Variants in MAPKAP1 observed in about 807,000 individuals in gnomAD.
MAPKAP1 encodes the protein MAPK associated protein 1, also known as target of rapamycin complex 2 subunit MAPKAP1.
A neutral mutation model predicts 65.7 loss-of-function variants in MAPKAP1; 20 were observed. That is an observed-to-expected ratio of 0.30 (90% CI 0.21 to 0.44). The LOEUF is 0.44. Ranked by LOEUF, MAPKAP1 falls within the 20% of genes least tolerant of loss-of-function variation. The pLI is 1.00. For synonymous variants in MAPKAP1, 222 were observed against 244.3 expected (o/e 0.91, Z 0.85); for missense variants, 423 against 648.0 (o/e 0.65, Z 3.77).
intron 10 of MAPKAP1, among the ~76,000 whole-genome samples, chr9:125,457,986 A>C (rs1853255349): frequency 6.6e-6 from 1 of 152,150 alleles, no homozygotes; most frequent in Admixed American, 6.5e-5. Flanking sequence ...CAGCTCAGTG[A>C]GACTGCCATA....
chr9:125,675,146 T>C (rs923410055), intron 1 of MAPKAP1, among the ~76,000 whole-genome samples: 2 of 152,178 alleles, frequency 1.3e-5, no homozygotes, highest in African/African-American at 2.4e-5. Flanking sequence ...ATAAGCCATC[T>C]TCCTGGCATG....
At chr9:125,679,852 G>A (rs965187443) in intron 1 of MAPKAP1, among the ~76,000 whole-genome samples, 1 of 152,134 alleles carries the variant, frequency 6.6e-6, no homozygotes, top group African/African-American at 2.4e-5. Context: ...TCTCTCACCT[G>A]CAATCTGTGA....
At chr9:125,688,788 A>C (rs1835066725) in intron 1 of MAPKAP1, among the ~76,000 whole-genome samples, 1 of 152,164 alleles carries the variant, frequency 6.6e-6, no homozygotes, top group Non-Finnish European at 1.5e-5. Flanking sequence ...TATGAGGTAG[A>C]TTCTATTATT....
chr9:125,553,312 C>A (rs1027248408), intron 6 of MAPKAP1, among the ~76,000 whole-genome samples: 5 of 152,256 alleles, frequency 3.3e-5, no homozygotes, highest in Non-Finnish European at 7.4e-5. Flanking sequence ...GAGGTAGAGG[C>A]AGGCAGATCC....
intron 6 of MAPKAP1, among the ~76,000 whole-genome samples, chr9:125,546,819 G>A (rs73667008): frequency 0.027 from 4,093 of 152,092 alleles, 190 homozygotes; most frequent in African/African-American, 0.094. Context: ...ATCAGCCCTC[G>A]GATGAACAGG....
intron 6 of MAPKAP1, chr9:125,559,303 T>G (rs961728940): frequency 2.2e-5 from 4 of 180,496 alleles, no homozygotes; most frequent in Admixed American, 1.2e-4. Flanking sequence ...TCAGTTAGTG[T>G]GTATTCCTCG....
intron 7 of MAPKAP1, among the ~76,000 whole-genome samples, chr9:125,520,711 T>C (rs995421057): frequency 1.3e-5 from 2 of 152,316 alleles, no homozygotes; most frequent in Admixed American, 6.5e-5. Context: ...GATTATCTGG[T>C]GATGAAACAA....
At chr9:125,550,522 G>C (rs150681707) in intron 6 of MAPKAP1, among the ~76,000 whole-genome samples, 1 of 152,318 alleles carries the variant, frequency 6.6e-6, no homozygotes, top group African/African-American at 2.4e-5. Flanking sequence ...GGAACAAAGC[G>C]AATCCTGGCA....
chr9:125,638,428 A>C (rs1833486658), intron 4 of MAPKAP1, among the ~76,000 whole-genome samples: 1 of 152,146 alleles, frequency 6.6e-6, no homozygotes, highest in African/African-American at 2.4e-5. Context: ...AATAGAAGAA[A>C]AGTACTCCAG....
chr9:125,484,338 CT>C (rs1171201233), intron 9 of MAPKAP1, 104 bp downstream of exon 9: 1 of 1,188,644 alleles, frequency 8.4e-7, no homozygotes, highest in Non-Finnish European at 1.1e-6. Context: ...AAACAAATTA[CT>C]TTTAGTCATT....
intron 4 of MAPKAP1, among the ~76,000 whole-genome samples, chr9:125,601,749 T>C (rs1289685128): frequency 6.6e-6 from 1 of 152,226 alleles, no homozygotes; most frequent in East Asian, 1.9e-4. Flanking sequence ...ATTTCTTCAA[T>C]TACAACATTC....
intron 8 of MAPKAP1, among the ~76,000 whole-genome samples, chr9:125,492,687 T>C (rs760043183): frequency 5.9e-5 from 9 of 152,192 alleles, no homozygotes; most frequent in Non-Finnish European, 1.0e-4. Context: ...TAACATTCAT[T>C]TTATGGTTCA....
At chr9:125,475,946 G>A (rs996509475) in intron 9 of MAPKAP1, among the ~76,000 whole-genome samples, 4 of 152,176 alleles carry the variant, frequency 2.6e-5, no homozygotes, top group African/African-American at 7.2e-5. Flanking sequence ...CTGGATGAAC[G>A]CTCATGAATC....
intron 4 of MAPKAP1, among the ~76,000 whole-genome samples, chr9:125,622,904 C>T (rs896880147): frequency 6.6e-6 from 1 of 152,096 alleles, no homozygotes; most frequent in Admixed American, 6.5e-5. Flanking sequence ...TGCAACCTCC[C>T]TGCCTGATTC....
At chr9:125,539,794 T>G (rs940027396) in intron 7 of MAPKAP1, among the ~76,000 whole-genome samples, 1 of 152,208 alleles carries the variant, frequency 6.6e-6, no homozygotes, top group Non-Finnish European at 1.5e-5. Flanking sequence ...ATTACAATTT[T>G]CTTAAATAGT....
chr9:125,621,926 A>G (rs1832912723), intron 4 of MAPKAP1, among the ~76,000 whole-genome samples: 2 of 152,246 alleles, frequency 1.3e-5, no homozygotes, highest in Non-Finnish European at 2.9e-5. Flanking sequence ...TGTGGTATAC[A>G]TACACAATGG....
chr9:125,649,793 C>T (rs1261836777), intron 4 of MAPKAP1, among the ~76,000 whole-genome samples: 16 of 135,516 alleles, frequency 1.2e-4, no homozygotes, highest in African/African-American at 3.6e-4. Context: ...ACAGAAACTC[C>T]GTCTCAAAAA....
chr9:125,699,913 C>T (rs1204925159), intron 1 of MAPKAP1, among the ~76,000 whole-genome samples: 1 of 152,168 alleles, frequency 6.6e-6, no homozygotes, highest in Non-Finnish European at 1.5e-5. Context: ...GCAAATCTGG[C>T]CCAGATTTTG....
In MAPKAP1 at chr9:125,447,211, T is replaced by G. The variant is rs2132934357; in HGVS notation, c.1346-2613A>C. The G allele has an allele frequency of 2.8e-6, 1 of 355,682 alleles. No individual in the cohort carries two copies. Among genetic ancestry groups the G allele is most frequent in the South Asian group, 2.1e-5 (1 of 47,292 alleles). 22.0% of individuals were successfully genotyped at this position (355,682 alleles called of 1,614,324 possible). On this transcript the variant is annotated intron_variant, in intron 10 of 11. Coordinates refer to ENST00000265960, the MANE Select transcript of MAPKAP1 (RefSeq NM_001006617.3). This position sits in a 1 kb window ranked among gnomAD's most constrained non-coding sequence, Gnocchi z 4.5. ...TCTCCTGCCTATCCCCAGGGCTCAT[T>G]CCAGCACCCATCTGAGGAAGAGTGA...
Sources: allele counts gnomAD v4.1 joint callset (sites outside exome capture counted in the v4.1 genomes callset), GRCh38; gene constraint gnomAD v4.1.1; non-coding constraint Gnocchi (gnomAD v3.1); transcripts MANE v1.5; gene names NCBI Gene and HGNC (gene_info 2026-07-23, HGNC 2026-07-21).